CNTNAP2: variants seen among roughly 807,000 people sequenced by gnomAD.
CNTNAP2 encodes the protein contactin-associated protein-like 2.
CNTNAP2 carries 98 observed loss-of-function variants against 155.2 expected under a neutral mutation model. That is an observed-to-expected ratio of 0.63 (90% CI 0.54 to 0.75). CNTNAP2 has a LOEUF of 0.75. CNTNAP2 is among the 30% of genes least tolerant of loss of function. The pLI, the probability that CNTNAP2 is intolerant of heterozygous loss-of-function variation, is 0.00. For synonymous variants in CNTNAP2, 651 were observed against 631.2 expected (o/e 1.03, Z -0.47); for missense variants, 1,727 against 1,688.1 (o/e 1.02, Z -0.40).
chr7:147,151,716 A>G (rs1330633141), intron 8 of CNTNAP2, among the ~76,000 whole-genome samples: 9 of 152,184 alleles, frequency 5.9e-5, no homozygotes, highest in Non-Finnish European at 8.8e-5. Flanking sequence ...CATAAAACAT[A>G]ATTTTTATTT....
At chr7:146,966,412 T>C (rs1365943748) in intron 3 of CNTNAP2, among the ~76,000 whole-genome samples, 1 of 152,230 alleles carries the variant, frequency 6.6e-6, no homozygotes, top group Non-Finnish European at 1.5e-5. Context: ...GCATTCACTG[T>C]GCCCAAGAGC....
chr7:146,794,444 A>G (rs1802731887), intron 2 of CNTNAP2, among the ~76,000 whole-genome samples: 1 of 152,200 alleles, frequency 6.6e-6, no homozygotes, highest in South Asian at 2.1e-4. Flanking sequence ...ATACCTCATT[A>G]AAAATAAAAA....
chr7:147,217,040 A>G (rs1438634926), intron 8 of CNTNAP2, among the ~76,000 whole-genome samples: 2 of 152,034 alleles, frequency 1.3e-5, no homozygotes, highest in African/African-American at 4.8e-5. Flanking sequence ...TTCTGCAACT[A>G]TGCTATAATT....
At chr7:147,527,936 C>A (rs1031789486) in intron 11 of CNTNAP2, among the ~76,000 whole-genome samples, 16 of 152,124 alleles carry the variant, frequency 1.1e-4, no homozygotes, top group African/African-American at 3.9e-4. Context: ...AAAAAAAGTG[C>A]ATTGATAGGG....
intron 9 of CNTNAP2, among the ~76,000 whole-genome samples, chr7:147,341,447 TAAAA>T (rs58309022): frequency 0.21 from 32,326 of 151,658 alleles, 4,192 homozygotes; most frequent in African/African-American, 0.36. Flanking sequence ...AAAAAAAATT[TAAAA>T]AATAATAAAA....
chr7:148,137,406 T>C (rs60032467), intron 16 of CNTNAP2, among the ~76,000 whole-genome samples: 7,058 of 152,282 alleles, frequency 0.046, 533 homozygotes, highest in African/African-American at 0.16. Flanking sequence ...ACGCCTGTAA[T>C]CCCAGCACTT....
chr7:147,439,639 T>C (rs532215367), intron 10 of CNTNAP2, among the ~76,000 whole-genome samples: 2 of 152,102 alleles, frequency 1.3e-5, no homozygotes, highest in Admixed American at 6.5e-5. Context: ...CCTTTGTTGA[T>C]TTTCTCTCTG....
chr7:148,412,471 GCTTA>G (rs1406301155), intron 23 of CNTNAP2, among the ~76,000 whole-genome samples: 2 of 152,220 alleles, frequency 1.3e-5, no homozygotes, highest in Non-Finnish European at 2.9e-5. Context: ...GTCTTGAACA[GCTTA>G]CTATTTCATT....
chr7:147,120,525 T>A (rs1801084016), intron 5 of CNTNAP2, among the ~76,000 whole-genome samples: 1 of 152,186 alleles, frequency 6.6e-6, no homozygotes, highest in African/African-American at 2.4e-5. Context: ...TTCCCCCTTT[T>A]TAAAAAAGCA....
chr7:146,463,837 A>G (rs1286463080), intron 1 of CNTNAP2, among the ~76,000 whole-genome samples: 1 of 152,130 alleles, frequency 6.6e-6, no homozygotes, highest in African/African-American at 2.4e-5. Flanking sequence ...GCAGGTTTGT[A>G]AAAAACAATA....
intron 1 of CNTNAP2, among the ~76,000 whole-genome samples, chr7:146,492,778 G>A (rs145684224): frequency 0.015 from 2,289 of 152,232 alleles, 50 homozygotes; most frequent in African/African-American, 0.051. Context: ...GTATATTATA[G>A]GGGAGCAAAT....
intron 2 of CNTNAP2, among the ~76,000 whole-genome samples, chr7:146,787,635 G>T (rs778587750): frequency 6.6e-6 from 1 of 152,122 alleles, no homozygotes; most frequent in Non-Finnish European, 1.5e-5. Context: ...AAAAGCGAAA[G>T]AACAAACCTT....
chr7:148,238,847 G>A (rs7805973), intron 20 of CNTNAP2, among the ~76,000 whole-genome samples: 60,391 of 152,096 alleles, frequency 0.4, 13,159 homozygotes, highest in East Asian at 0.76. Context: ...TTAAAAATGT[G>A]TGCCTTTATT....
chr7:146,493,879 C>A (rs1411817382), intron 1 of CNTNAP2, among the ~76,000 whole-genome samples: 1 of 152,002 alleles, frequency 6.6e-6, no homozygotes, highest in Non-Finnish European at 1.5e-5. Flanking sequence ...AAGAAAAATG[C>A]TTTGTATGAG....
At chr7:146,801,561 AT>A (rs1802878447) in intron 2 of CNTNAP2, among the ~76,000 whole-genome samples, 1 of 152,190 alleles carries the variant, frequency 6.6e-6, no homozygotes, top group African/African-American at 2.4e-5. Flanking sequence ...TATATAGAGA[AT>A]TTTCAGGGAA....
intron 14 of CNTNAP2, among the ~76,000 whole-genome samples, chr7:147,924,910 G>A (rs1800357395): frequency 6.6e-6 from 1 of 151,958 alleles, no homozygotes; most frequent in Non-Finnish European, 1.5e-5. Flanking sequence ...GAGGTCAGGA[G>A]ATCAAGACCA....
At chr7:147,443,034 G>T (rs1417065988) in intron 10 of CNTNAP2, among the ~76,000 whole-genome samples, 1 of 152,098 alleles carries the variant, frequency 6.6e-6, no homozygotes, top group African/African-American at 2.4e-5. Context: ...GAGGTTGTGT[G>T]CCCCACCCTC....
In CNTNAP2 at chr7:148,416,135, A is replaced by AGAAAG. The variant is rs1179491015; in HGVS notation, c.*521_*525dup. The AGAAAG allele has an allele frequency of 6.3e-6, 1 of 158,196 alleles. No individual in the cohort carries two copies. Among genetic ancestry groups the AGAAAG allele is most frequent in the Non-Finnish European group, 1.4e-5 (1 of 71,710 alleles). 9.8% of individuals were successfully genotyped at this position (158,196 alleles called of 1,614,324 possible). On this transcript the variant is annotated 3_prime_UTR_variant, in exon 24 of 24. Transcript: ENST00000361727. ...CCTTTGATGTCCTATAAGTCGGAAA[A>AGAAAG]GAAAGGGGCAAAGAGAACCTATTAT...
At chr7:146,600,213 A>T (rs1325194095) in intron 1 of CNTNAP2, among the ~76,000 whole-genome samples, 6 of 152,114 alleles carry the variant, frequency 3.9e-5, no homozygotes, top group Admixed American at 3.9e-4. Flanking sequence ...GGCACCCATG[A>T]TACCTGGCTG....
Sources: gnomAD v4.1 joint callset for allele counts (sites outside exome capture counted in the v4.1 genomes callset) on GRCh38, gnomAD v4.1.1 for gene constraint, MANE v1.5 for transcripts, NCBI Gene and HGNC (gene_info 2026-07-23, HGNC 2026-07-21) for gene names.